ZNF536: variants seen among roughly 807,000 people sequenced by gnomAD.
ZNF536 encodes zinc finger protein 536.
In ZNF536, 13 loss-of-function variants were observed where a neutral mutation model predicts 84.5. The observed-to-expected ratio is 0.15, with a 90% CI of 0.10 to 0.24. The LOEUF is 0.24. Among genes scored for constraint, ZNF536 ranks in the 10% least tolerant of loss-of-function variants. The probability of loss-of-function intolerance (pLI) is 1.00; values close to 1 mark genes in which losing one functional copy is unlikely to be tolerated. For synonymous variants in ZNF536, 811 were observed against 742.5 expected, an observed-to-expected ratio of 1.09 and a Z score of -1.50; for missense variants, 1,536 against 1,747.5, an observed-to-expected ratio of 0.88 and a Z score of 2.16.
chr19:30,350,093 A>C (rs8107011), intron 2 of ZNF536, among the ~76,000 whole-genome samples: 53,966 of 151,870 alleles, frequency 0.36, 9,930 homozygotes, highest in Middle Eastern at 0.5. Flanking sequence ...ATCTCCTTGC[A>C]ATGCCATTTT....
At chr19:30,583,920 G>T (rs1253148125) in intron 1 of ZNF536, among the ~76,000 whole-genome samples, 1 of 152,180 alleles carries the variant, frequency 6.6e-6, no homozygotes, top group Admixed American at 6.5e-5. Flanking sequence ...TAGATCTTGG[G>T]AGTATTAGCT....
rs557876590 is a variant in ZNF536 at position 30,566,137 on chromosome 19, G to T, written c.169+16623G>T. On this transcript the variant is annotated intron_variant, in intron 1 of 1. Transcript: ENST00000592773. The stretch of plus-strand genomic sequence containing the variant: ...GTCGTGGCCTTTGGGCAGCCTAGAG[G>T]AGAACTCAGTCAGCCACGGCTCCTA... Among the ~76,000 whole-genome samples, 9 of 152,314 alleles carry T rather than the reference G, an allele frequency of 5.9e-5. No homozygotes were observed. In the South Asian group the frequency reaches 1.9e-3, roughly 32 times the overall value.
In ZNF536 at chr19:30,417,148, A is replaced by ATTTTTTTT. The variant is rs71173904; in HGVS notation, c.-2-26392_-2-26385dup. ...GCCACCACGCCAGGCTAATTTTTGT[A>ATTTTTTTT]TTTTTTTTTTTTTTTTTTTTTTTTT... is the stretch of plus-strand genomic sequence containing the variant. On this transcript the variant is annotated intron_variant, in intron 1 of 4. Coordinates refer to ENST00000355537, the MANE Select transcript of ZNF536 (RefSeq NM_014717.3). 2.0e-3 allele frequency among the ~76,000 whole-genome samples: 200 copies of ATTTTTTTT among 100,196 alleles called. 2 individuals carry two copies. Among genetic ancestry groups the ATTTTTTTT allele is most frequent in the African/African-American group, 6.6e-3 (160 of 24,352 alleles). 65.7% of individuals were successfully genotyped at this position (100,196 alleles called of 152,430 possible).
At chr19:30,609,240 G>T (rs1342227169) in intron 1 of ZNF536, among the ~76,000 whole-genome samples, 1 of 152,162 alleles carries the variant, frequency 6.6e-6, no homozygotes, top group African/African-American at 2.4e-5. Context: ...TTACATTTTG[G>T]AATCTGAGCC....
At chr19:30,344,304 T>TATATATATATATATATATATATATATA (rs1460061348) in intron 2 of ZNF536, among the ~76,000 whole-genome samples, 3 of 66,234 alleles carry the variant, frequency 4.5e-5, no homozygotes, top group South Asian at 5.8e-4. Flanking sequence ...CACAAATATA[T>TATATATATATATATATATATATATATA]TGGCGGCCTC....
chr19:30,402,666 G>T (rs936212657), intron 1 of ZNF536, among the ~76,000 whole-genome samples: 3 of 151,526 alleles, frequency 2.0e-5, no homozygotes, highest in Admixed American at 2.0e-4. Context: ...CGCGGCCGAC[G>T]TGGGTTTAAA....
chr19:30,663,648 C>CA (rs917421295), intron 1 of ZNF536, among the ~76,000 whole-genome samples: 3 of 152,074 alleles, frequency 2.0e-5, no homozygotes, highest in Admixed American at 2.0e-4. Context: ...CCTGAAATGT[C>CA]AAAGAGTGCA....
At chr19:30,479,921 C>G (rs1462815881) in intron 2 of ZNF536, among the ~76,000 whole-genome samples, 1 of 152,178 alleles carries the variant, frequency 6.6e-6, no homozygotes, top group Non-Finnish European at 1.5e-5. Context: ...ATGTCTAATG[C>G]AGGTCTCGGT....
intron 1 of ZNF536, among the ~76,000 whole-genome samples, chr19:30,282,077 G>A (rs2045466876): frequency 6.6e-6 from 1 of 152,238 alleles, no homozygotes; most frequent in South Asian, 2.1e-4. Flanking sequence ...CATCACGAGA[G>A]CATCTGTGGT....
intron 1 of ZNF536, among the ~76,000 whole-genome samples, chr19:30,434,373 G>A (rs766566737): frequency 3.3e-5 from 5 of 152,182 alleles, no homozygotes; most frequent in Non-Finnish European, 7.3e-5. Flanking sequence ...GTCTTTGTGC[G>A]TCTTCTGTTC....
intron 3 of ZNF536, among the ~76,000 whole-genome samples, chr19:30,358,261 C>T (rs944909334): frequency 6.6e-6 from 1 of 152,118 alleles, no homozygotes; most frequent in Non-Finnish European, 1.5e-5. Flanking sequence ...AGGGACTGGC[C>T]CAGGATCATA....
intron 2 of ZNF536, among the ~76,000 whole-genome samples, chr19:30,508,752 G>A (rs1287751920): frequency 6.6e-6 from 1 of 150,684 alleles, no homozygotes; most frequent in Non-Finnish European, 1.5e-5. Context: ...CAACCATGGT[G>A]CCCTTCCTTA....
At chr19:30,378,207 G>T in intron 1 of ZNF536, among the ~76,000 whole-genome samples, 1 of 152,176 alleles carries the variant, frequency 6.6e-6, no homozygotes, top group East Asian at 1.9e-4. Flanking sequence ...CAGTCACCCA[G>T]GCTGGAGTGA....
chr19:30,412,864 C>CT (rs969340758), intron 1 of ZNF536, among the ~76,000 whole-genome samples: 6 of 151,482 alleles, frequency 4.0e-5, no homozygotes, highest in Admixed American at 6.6e-5. Flanking sequence ...AGTGATGAGG[C>CT]TTTTTTTTAA....
At chr19:30,279,279 T>A (rs78997844) in intron 1 of ZNF536, among the ~76,000 whole-genome samples, 5,687 of 152,298 alleles carry the variant, frequency 0.037, 149 homozygotes, top group Non-Finnish European at 0.058. Context: ...AAACATGAGC[T>A]CCATGCAGGT....
intron 3 of ZNF536, among the ~76,000 whole-genome samples, chr19:30,535,496 G>A (rs1568526663): frequency 2.0e-5 from 3 of 152,110 alleles, no homozygotes; most frequent in South Asian, 2.1e-4. Flanking sequence ...GTCCATCCTC[G>A]TCACTCCATG....
At chr19:30,697,883 A>G (rs1315582100) in intron 1 of ZNF536, among the ~76,000 whole-genome samples, 3 of 152,262 alleles carry the variant, frequency 2.0e-5, no homozygotes, top group East Asian at 1.9e-4. Flanking sequence ...CTTTGGAAGC[A>G]TCTCTTGATG....
At chr19:30,420,964 G>A (rs966718398) in intron 1 of ZNF536, among the ~76,000 whole-genome samples, 4 of 152,150 alleles carry the variant, frequency 2.6e-5, no homozygotes, top group Admixed American at 6.5e-5. Flanking sequence ...GGGTTTCACC[G>A]TTCACCTTCA....
chr19:30,634,608 A>G (rs2049000244), intron 1 of ZNF536, among the ~76,000 whole-genome samples: 1 of 152,110 alleles, frequency 6.6e-6, no homozygotes, highest in African/African-American at 2.4e-5. Flanking sequence ...CTGAGATGAT[A>G]AAACACCATT....
Sources: gnomAD v4.1 joint callset for allele counts (sites outside exome capture counted in the v4.1 genomes callset) on GRCh38, gnomAD v4.1.1 for gene constraint, MANE v1.5 for transcripts, NCBI Gene and HGNC (gene_info 2026-07-23, HGNC 2026-07-21) for gene names.